The following MALRD1 variants were observed in gnomAD, a reference collection of about 807,000 sequenced individuals.
MALRD1 encodes the protein MAM and LDL receptor class A domain containing 1.
Under a neutral mutation model 242.1 loss-of-function variants are expected in MALRD1, and 247 were observed. The observed-to-expected ratio is 1.02, with a 90% confidence interval of 0.92 to 1.13. MALRD1 has a LOEUF of 1.13. MALRD1 is among the 50% of genes most tolerant of loss of function. MALRD1 has a pLI of 0.00. For synonymous variants in MALRD1, 995 were observed against 866.6 expected, an observed-to-expected ratio of 1.15 and a Z score of -2.60; for missense variants, 2,989 against 2,533.1, an observed-to-expected ratio of 1.18 and a Z score of -3.86.
intron 31 of MALRD1, among the ~76,000 whole-genome samples, chr10:19,505,894 A>G (rs574632780): frequency 1.1e-3 from 172 of 152,338 alleles, no homozygotes; most frequent in African/African-American, 4.0e-3. Context: ...ACACAGGATC[A>G]TCACAATAGG....
chr10:19,476,381 G>T (rs913260513), intron 29 of MALRD1, among the ~76,000 whole-genome samples: 1 of 151,962 alleles, frequency 6.6e-6, no homozygotes, highest in Non-Finnish European at 1.5e-5. Flanking sequence ...AGTATTTGAG[G>T]GCTCTTTTCT....
At chr10:19,335,968 C>T (rs560512792) in intron 24 of MALRD1, among the ~76,000 whole-genome samples, 19 of 151,894 alleles carry the variant, frequency 1.3e-4, no homozygotes, top group South Asian at 6.2e-4. Flanking sequence ...CCCCACCCGC[C>T]GACAGCCAAT....
intron 18 of MALRD1, among the ~76,000 whole-genome samples, chr10:19,233,881 T>G (rs1212040314): frequency 1.3e-5 from 2 of 152,038 alleles, no homozygotes; most frequent in Non-Finnish European, 2.9e-5. Context: ...TGCATTTGTA[T>G]AAGGTTTCCC....
rs1424127200 is a variant in MALRD1, at chr10:19,567,620, C to T, written c.5597C>T (p.Ala1866Val). The change falls in exon 33 of 40, where the codon GCA becomes GTA. Residue 1866 changes from alanine to valine, a missense_variant. Transcript: ENST00000454679. ...TCCAGTAACAGTCCGTTTAAGGTGG[C>T]ATTTGAAGCTGATTTGGATGGAAAT... The part of the protein sequence containing the change: ...PLSSNSPFKV[A>V]FEADLDGNED... 1.3e-6 allele frequency: 2 copies of T among 1,550,682 alleles called. No homozygotes were observed. Among genetic ancestry groups the T allele is most frequent in the Non-Finnish European group, 8.7e-7 (1 of 1,146,984 alleles).
intron 18 of MALRD1, among the ~76,000 whole-genome samples, chr10:19,220,964 A>G (rs576650173): frequency 8.6e-4 from 131 of 152,318 alleles, no homozygotes; most frequent in Non-Finnish European, 1.5e-3. Flanking sequence ...ATGGACTTTC[A>G]AATAAAATAT....
At chr10:19,163,012 C>T (rs1834500146) in intron 12 of MALRD1, among the ~76,000 whole-genome samples, 1 of 151,006 alleles carries the variant, frequency 6.6e-6, no homozygotes, top group Non-Finnish European at 1.5e-5. Context: ...GTGGTGCAAG[C>T]CTGTAGTCCC....
chr10:19,420,857 G>T (rs1833694782), intron 28 of MALRD1, among the ~76,000 whole-genome samples: 1 of 152,172 alleles, frequency 6.6e-6, no homozygotes, highest in African/African-American at 2.4e-5. Flanking sequence ...AGTGGGGAAG[G>T]CTGTGAAACC....
chr10:19,124,759 G>T, intron 7 of MALRD1, 89 bp downstream of exon 7: 1 of 1,034,958 alleles, frequency 9.7e-7, no homozygotes, highest in Non-Finnish European at 1.2e-6. Context: ...GGAGGCCTTG[G>T]TGAATATACT....
chr10:19,595,068 G>T, intron 33 of MALRD1, 126 bp from the exon 34 acceptor site: 1 of 942,146 alleles, frequency 1.1e-6, no homozygotes, highest in Non-Finnish European at 1.5e-6. Context: ...ATCCTAATTA[G>T]AAATTAATTT....
chr10:19,139,963 G>C (rs1033416775), intron 10 of MALRD1, among the ~76,000 whole-genome samples: 1 of 152,062 alleles, frequency 6.6e-6, no homozygotes, highest in African/African-American at 2.4e-5. Flanking sequence ...AAAAACTAAA[G>C]GCAAACAAGT....
chr10:19,171,951 A>G (rs1403630156), intron 13 of MALRD1, among the ~76,000 whole-genome samples: 3 of 121,682 alleles, frequency 2.5e-5, no homozygotes, highest in Non-Finnish European at 5.3e-5. Flanking sequence ...CATATAATAT[A>G]TGTATATATC....
intron 33 of MALRD1, among the ~76,000 whole-genome samples, chr10:19,571,074 A>C (rs1289302689): frequency 6.6e-6 from 1 of 152,116 alleles, no homozygotes; most frequent in East Asian, 1.9e-4. Context: ...GTGTTTTTCC[A>C]ATAGTTATTC....
At chr10:19,327,484 AT>A in intron 22 of MALRD1, 78 bp from the exon 23 acceptor site, 3 of 1,131,626 alleles carry the variant, frequency 2.7e-6, no homozygotes, top group East Asian at 2.6e-5. Flanking sequence ...AAAAAAAAAA[AT>A]CACTGGAAGA....
intron 31 of MALRD1, among the ~76,000 whole-genome samples, chr10:19,499,049 A>G (rs886991872): frequency 2.0e-5 from 3 of 152,188 alleles, no homozygotes; most frequent in African/African-American, 4.8e-5. Context: ...CTGACCACCA[A>G]TTTCCTTCCC....
At chr10:19,554,135 T>C (rs1409830863) in intron 32 of MALRD1, among the ~76,000 whole-genome samples, 2 of 152,190 alleles carry the variant, frequency 1.3e-5, no homozygotes, top group African/African-American at 2.4e-5. Flanking sequence ...CAAAGTTGTA[T>C]TAGTCCACTT....
At chr10:19,169,849 C>T (rs1834848544) in intron 13 of MALRD1, among the ~76,000 whole-genome samples, 1 of 152,176 alleles carries the variant, frequency 6.6e-6, no homozygotes. Flanking sequence ...TGACCTTAGT[C>T]ATTGTCTAGC....
intron 8 of MALRD1, among the ~76,000 whole-genome samples, chr10:19,133,596 A>G (rs939599657): frequency 6.6e-6 from 1 of 152,158 alleles, no homozygotes; most frequent in Non-Finnish European, 1.5e-5. Context: ...CTGTTTTTTT[A>G]AAAGATTTCA....
At chr10:19,310,303 G>A (rs1359870098) in intron 21 of MALRD1, among the ~76,000 whole-genome samples, 2 of 151,522 alleles carry the variant, frequency 1.3e-5, no homozygotes, top group Non-Finnish European at 3.0e-5. Context: ...CTTCATTGTT[G>A]AAATCTTCTG....
intron 4 of MALRD1, among the ~76,000 whole-genome samples, chr10:19,095,176 T>C (rs1400287984): frequency 1.3e-5 from 2 of 152,184 alleles, no homozygotes; most frequent in Non-Finnish European, 2.9e-5. Flanking sequence ...TTCGATTCTT[T>C]TGAGTGCCTA....
Sources: allele counts gnomAD v4.1 joint callset (sites outside exome capture counted in the v4.1 genomes callset), GRCh38; gene constraint gnomAD v4.1.1; transcripts MANE v1.5; gene names NCBI Gene and HGNC (gene_info 2026-07-23, HGNC 2026-07-21).